Variants in SLC13A3 observed in about 807,000 individuals in gnomAD.
SLC13A3 encodes Na(+)/dicarboxylate cotransporter 3.
In SLC13A3, 40 loss-of-function variants were observed where a neutral mutation model predicts 59.0. The ratio of observed to expected loss-of-function variants is 0.68; its 90% confidence interval spans 0.53 to 0.88. The LOEUF is 0.88. Ranked by LOEUF, SLC13A3 falls within the 40% of genes least tolerant of loss-of-function variation. The probability of loss-of-function intolerance (pLI) is 0.00; values close to 1 mark genes in which losing one functional copy is unlikely to be tolerated. For missense variants in SLC13A3, 699 were observed against 783.2 expected, an observed-to-expected ratio of 0.89 and a Z score of 1.28; for synonymous variants, 317 against 330.3, an observed-to-expected ratio of 0.96 and a Z score of 0.44.
intron 1 of SLC13A3, among the ~76,000 whole-genome samples, chr20:46,629,983 C>T (rs550044586): frequency 1.2e-4 from 19 of 152,220 alleles, no homozygotes; most frequent in African/African-American, 3.4e-4. Flanking sequence ...TACAGAATTG[C>T]GGTCATTCTT....
At chr20:46,678,645 T>C (rs1304690618) in intron 1 of SLC13A3, among the ~76,000 whole-genome samples, 3 of 152,080 alleles carry the variant, frequency 2.0e-5, no homozygotes, top group Non-Finnish European at 4.4e-5. Flanking sequence ...AGGGAGAGAA[T>C]TCTTACATCT....
At chr20:46,613,849 C>T (rs372125414) in intron 1 of SLC13A3, 124 bp from the exon 2 acceptor site, 23 of 833,094 alleles carry the variant, frequency 2.8e-5, no homozygotes, top group African/African-American at 1.4e-4. Flanking sequence ...AGGAGGCCTG[C>T]GGCAGGGCCT....
chr20:46,681,290 T>C (rs922384284), intron 1 of SLC13A3, among the ~76,000 whole-genome samples: 7 of 152,198 alleles, frequency 4.6e-5, no homozygotes, highest in African/African-American at 1.7e-4. Context: ...ATTAGCACAG[T>C]GCCTGCTACA....
chr20:46,629,747 C>T (rs1320220180), intron 1 of SLC13A3, among the ~76,000 whole-genome samples: 12 of 152,134 alleles, frequency 7.9e-5, no homozygotes, highest in Non-Finnish European at 2.9e-5. Context: ...CCCCCTTCTG[C>T]TTCTTAATCT....
At chr20:46,674,980 T>G (rs2063116020), upstream of SLC13A3, among the ~76,000 whole-genome samples, 1 of 151,954 alleles carries the variant, frequency 6.6e-6, no homozygotes, top group South Asian at 2.1e-4. Flanking sequence ...CAAAGTGGCA[T>G]TTGGTAGAGA....
chr20:46,666,455 G>A (rs1208918375), intron 1 of SLC13A3, among the ~76,000 whole-genome samples: 1 of 149,584 alleles, frequency 6.7e-6, no homozygotes. Flanking sequence ...TTTTTGTTTT[G>A]GTTTTGGTTT....
At chr20:46,599,635 G>T (rs1032140092) in intron 4 of SLC13A3, among the ~76,000 whole-genome samples, 2 of 152,178 alleles carry the variant, frequency 1.3e-5, no homozygotes, top group African/African-American at 2.4e-5. Flanking sequence ...TGTTAACCCT[G>T]CCTGCAACCC....
At chr20:46,665,265 CAAA>C (rs77642674) in intron 1 of SLC13A3, among the ~76,000 whole-genome samples, 1 of 126,444 alleles carries the variant, frequency 7.9e-6, no homozygotes, top group Non-Finnish European at 1.7e-5. Flanking sequence ...GACACTGTCT[CAAA>C]AAAAAAAAAA....
rs1015761125 is a variant in SLC13A3 at position 46,675,466 on chromosome 20, G to C, written c.-31+8930C>G. Among the ~76,000 whole-genome samples the C allele has an allele frequency of 2.0e-4, 28 of 141,804 alleles. No individual in the cohort carries two copies. The Admixed American group carries it at 2.0e-3, about 10-fold the overall frequency. The allele number at this position is 141,804 out of a possible 152,430, so 93.0% of individuals were successfully genotyped here. A position where few individuals can be genotyped will look rare whatever the true frequency, so the allele number is the denominator to read the frequency against. On this transcript the variant is annotated intron_variant, in intron 1 of 6. Transcript: ENST00000372121. The stretch of plus-strand genomic sequence containing the variant: ...TCACCGTGTTGCTCAGGCTGGTCTC[G>C]AACTTCTGAGCTCAGGCAATCTGCC...
At chr20:46,579,831 GA>G (rs1241881769) in intron 9 of SLC13A3, among the ~76,000 whole-genome samples, 9 of 152,192 alleles carry the variant, frequency 5.9e-5, no homozygotes, top group Non-Finnish European at 2.9e-5. Flanking sequence ...CAGCAAATCT[GA>G]CTAAACTAGT....
intron 1 of SLC13A3, among the ~76,000 whole-genome samples, chr20:46,667,758 G>A (rs933285537): frequency 3.3e-5 from 5 of 152,186 alleles, no homozygotes; most frequent in Non-Finnish European, 5.9e-5. Context: ...TTGTCTCATT[G>A]TGTTTTACAG....
At chr20:46,684,074 T>G (rs899331427) in intron 1 of SLC13A3, among the ~76,000 whole-genome samples, 6 of 152,180 alleles carry the variant, frequency 3.9e-5, no homozygotes, top group East Asian at 3.8e-4. Context: ...CATCTCATGT[T>G]CTGCTCCTCC....
chr20:46,642,921 T>C (rs2062858620), intron 1 of SLC13A3, among the ~76,000 whole-genome samples: 1 of 151,706 alleles, frequency 6.6e-6, no homozygotes, highest in South Asian at 2.1e-4. Flanking sequence ...GCCAGCCTAA[T>C]GTGGGCAGGG....
chr20:46,589,428 G>T (rs554540970), intron 6 of SLC13A3, among the ~76,000 whole-genome samples, 173 bp from the exon 7 acceptor site: 1 of 152,162 alleles, frequency 6.6e-6, no homozygotes, highest in Non-Finnish European at 1.5e-5. Flanking sequence ...TTCTCCCCAC[G>T]TATAGCCTGG....
At position 46,583,655 on chromosome 20, in the gene SLC13A3, G is replaced by A; in HGVS notation, c.1136C>T (p.Ala379Val). The change falls in exon 9 of 13, where the codon GCT (alanine) becomes GTT (valine). Residue 379 changes from alanine to valine, a missense_variant. By Grantham distance (64) the Ala-to-Val change is moderately conservative (BLOSUM62 0). Coordinates refer to ENST00000279027, the MANE Select transcript of SLC13A3 (RefSeq NM_022829.6). The part of the protein sequence containing the change: ...SLFNPGFLSD[A>V]VTGVAIVTIL... ...GGTGACAATAGCCACGCCGGTGACA[G>A]CATCAGAAAGAAACCTACAATGAGA... The A allele has an allele frequency of 6.2e-7, 1 of 1,614,092 alleles. No homozygotes were observed.
intron 1 of SLC13A3, among the ~76,000 whole-genome samples, chr20:46,629,820 A>G (rs1330674388): frequency 6.6e-6 from 1 of 152,222 alleles, no homozygotes; most frequent in Non-Finnish European, 1.5e-5. Flanking sequence ...TTTTTAAAAT[A>G]CATTTCACCG....
At chr20:46,680,442 T>C (rs1349784577) in intron 1 of SLC13A3, among the ~76,000 whole-genome samples, 2 of 152,236 alleles carry the variant, frequency 1.3e-5, no homozygotes, top group Non-Finnish European at 2.9e-5. Flanking sequence ...GTGGTGGACA[T>C]GGATGTGCGA....
chr20:46,561,847 G>A (rs2061934569), intron 12 of SLC13A3, among the ~76,000 whole-genome samples: 1 of 152,038 alleles, frequency 6.6e-6, no homozygotes, highest in South Asian at 2.1e-4. Context: ...GGAGGATTGG[G>A]TCTCCCTTTG....
At chr20:46,668,774 T>C (rs2063074884) in intron 1 of SLC13A3, among the ~76,000 whole-genome samples, 1 of 152,224 alleles carries the variant, frequency 6.6e-6, no homozygotes, top group Non-Finnish European at 1.5e-5. Flanking sequence ...TTCTGCTCAT[T>C]TGCCATTCTG....
Sources: allele counts gnomAD v4.1 joint callset (sites outside exome capture counted in the v4.1 genomes callset), GRCh38; gene constraint gnomAD v4.1.1; transcripts MANE v1.5; gene names NCBI Gene and HGNC (gene_info 2026-07-23, HGNC 2026-07-21).